The following STK3 variants were observed in gnomAD, a reference collection of about 807,000 sequenced individuals.
STK3 encodes the protein serine/threonine kinase 3, also known as serine/threonine-protein kinase 3.
In STK3, 41 loss-of-function variants were observed where a neutral mutation model predicts 58.0. The observed-to-expected ratio is 0.71, with a 90% confidence interval of 0.55 to 0.92. The LOEUF (loss-of-function observed/expected upper bound fraction) is 0.92, where lower values mean the gene tolerates loss of function less well. STK3 is among the 40% of genes least tolerant of loss of function. STK3 has a pLI of 0.00. For missense variants in STK3, 479 were observed against 602.7 expected (o/e 0.79, Z 2.15); for synonymous variants, 170 against 191.0 (o/e 0.89, Z 0.91).
chr8:98,423,774 C>G (rs539853727), intron 3 of STK3, among the ~76,000 whole-genome samples: 1 of 152,328 alleles, frequency 6.6e-6, no homozygotes, highest in East Asian at 1.9e-4. Flanking sequence ...AGCCCCCTCG[C>G]CTGTCAGGGG....
At chr8:98,764,149 T>G (rs1384076688) in intron 3 of STK3, among the ~76,000 whole-genome samples, 8 of 152,246 alleles carry the variant, frequency 5.3e-5, no homozygotes, top group Admixed American at 2.6e-4. Flanking sequence ...CAACAAATAT[T>G]TGAGAAGTAC....
At chr8:98,524,072 G>C (rs1480279624) in intron 10 of STK3, among the ~76,000 whole-genome samples, 1 of 152,090 alleles carries the variant, frequency 6.6e-6, no homozygotes, top group African/African-American at 2.4e-5. Context: ...TTTGCATGTG[G>C]ATATCCAGTT....
chr8:98,819,750 A>G (rs1428155143), intron 1 of STK3, among the ~76,000 whole-genome samples: 1 of 152,152 alleles, frequency 6.6e-6, no homozygotes, highest in Non-Finnish European at 1.5e-5. Context: ...CTCTCTATTT[A>G]GTCAATCTCT....
Position 98,428,708 on chromosome 8 carries a change from G to C in STK3, n.483+5419C>G. On this transcript the variant is annotated intron_variant and non_coding_transcript_variant, in intron 3 of 3. Coordinates refer to the STK3 transcript ENST00000517832. The surrounding 1 kb of genome is among the most constrained non-coding windows in gnomAD (Gnocchi z 6.7). Reference sequence around the variant, plus strand: ...TTGCCTGGTTCACATTTGAGCTGGTGGCCAGGTTTGCTGTGGCCCCTGACT... The same window carrying C: ...TTGCCTGGTTCACATTTGAGCTGGTCGCCAGGTTTGCTGTGGCCCCTGACT... 1 of 1,614,220 alleles carries C rather than the reference G, an allele frequency of 6.2e-7. No individual in the cohort carries two copies. The highest frequency in any genetic ancestry group is 8.5e-7 in the Non-Finnish European group (1 of 1,180,038).
intron 1 of STK3, among the ~76,000 whole-genome samples, chr8:98,914,219 G>A (rs1361936966): frequency 6.6e-6 from 1 of 151,992 alleles, no homozygotes; most frequent in Admixed American, 6.6e-5. Flanking sequence ...TGGGAGGTGA[G>A]GCAGGCAGAT....
intron 3 of STK3, among the ~76,000 whole-genome samples, chr8:98,869,057 A>AGGAG (rs1837258165): frequency 6.7e-6 from 1 of 150,026 alleles, no homozygotes; most frequent in Non-Finnish European, 1.5e-5. Context: ...GAAGGAAGGA[A>AGGAG]GGAAGGAAGG....
At chr8:98,653,423 C>T (rs918455093) in intron 6 of STK3, among the ~76,000 whole-genome samples, 5 of 152,030 alleles carry the variant, frequency 3.3e-5, no homozygotes, top group African/African-American at 1.2e-4. Context: ...ATTAAAAGAA[C>T]TAGAAAAGCA....
chr8:98,451,558 TCTGA>T (rs1819199288), downstream of STK3, among the ~76,000 whole-genome samples: 4 of 152,158 alleles, frequency 2.6e-5, no homozygotes, highest in South Asian at 4.1e-4. Flanking sequence ...TGGCAAAGAG[TCTGA>T]CTAATGATGT....
intron 1 of STK3, among the ~76,000 whole-genome samples, chr8:98,805,840 C>T (rs1833857051): frequency 6.6e-6 from 1 of 152,056 alleles, no homozygotes; most frequent in South Asian, 2.1e-4. Flanking sequence ...TGATCTTCCC[C>T]TTCTCTCTGC....
At chr8:98,738,820 G>C (rs1828882622) in intron 4 of STK3, among the ~76,000 whole-genome samples, 1 of 152,262 alleles carries the variant, frequency 6.6e-6, no homozygotes, top group Non-Finnish European at 1.5e-5. Context: ...AGGGGTTCAG[G>C]GAGTTCCCTT....
rs149263671 is a variant in STK3, at chr8:98,447,707, C to T, written n.186-10499G>A. 3.8e-3 allele frequency among the ~76,000 whole-genome samples: 553 copies of T among 145,894 alleles called. 27 individuals are homozygous for T. In the East Asian group the frequency reaches 0.085, roughly 22 times the overall value. On this transcript the variant is annotated intron_variant and non_coding_transcript_variant, in intron 1 of 3. Coordinates refer to the STK3 transcript ENST00000517832. ...TATATTGCAATACTATATATAGTAT[C>T]TATATATTGCAATACATTATGTTGC...
intron 3 of STK3, among the ~76,000 whole-genome samples, chr8:98,840,713 T>C (rs1353665217): frequency 6.6e-6 from 1 of 150,782 alleles, no homozygotes; most frequent in Non-Finnish European, 1.5e-5. Flanking sequence ...TTGCCGAATA[T>C]CAAATTATCC....
intron 8 of STK3, among the ~76,000 whole-genome samples, chr8:98,568,074 T>C (rs1162320242): frequency 4.0e-5 from 6 of 150,252 alleles, no homozygotes; most frequent in Admixed American, 1.3e-4. Context: ...GATAGATAGA[T>C]AGATAGATAG....
At chr8:98,768,697 G>A (rs981425109) in intron 2 of STK3, among the ~76,000 whole-genome samples, 7 of 152,202 alleles carry the variant, frequency 4.6e-5, no homozygotes, top group East Asian at 3.8e-4. Flanking sequence ...TCAGCACTAC[G>A]AAAGAGAAGC....
chr8:98,919,777 A>T (rs1839485306), intron 1 of STK3, among the ~76,000 whole-genome samples: 1 of 151,976 alleles, frequency 6.6e-6, no homozygotes, highest in Admixed American at 6.5e-5. Flanking sequence ...AGAATTTTCC[A>T]TGATAAAAAA....
chr8:98,412,385 C>T (rs1818067174), intron 3 of STK3, among the ~76,000 whole-genome samples: 1 of 152,206 alleles, frequency 6.6e-6, no homozygotes, highest in Admixed American at 6.5e-5. Context: ...ACCCCTGAAA[C>T]CTTCAAATGG....
intron 10 of STK3, among the ~76,000 whole-genome samples, chr8:98,505,445 C>G (rs1225221243): frequency 6.6e-6 from 1 of 152,178 alleles, no homozygotes; most frequent in Non-Finnish European, 1.5e-5. Flanking sequence ...TGGTGAGGAG[C>G]TGCCATCCTT....
intron 1 of STK3, among the ~76,000 whole-genome samples, chr8:98,442,477 G>T (rs1381274644): frequency 1.3e-5 from 2 of 152,234 alleles, no homozygotes; most frequent in Admixed American, 1.3e-4. Flanking sequence ...AACCACCAAG[G>T]TGCGTTATTT....
chr8:98,804,336 T>C (rs1404012127), intron 1 of STK3, among the ~76,000 whole-genome samples: 2 of 152,176 alleles, frequency 1.3e-5, no homozygotes, highest in Non-Finnish European at 2.9e-5. Context: ...CCTATAACAA[T>C]CTTTTTGGTA....
Sources: gnomAD v4.1 joint callset for allele counts (sites outside exome capture counted in the v4.1 genomes callset) on GRCh38, gnomAD v4.1.1 for gene constraint, Gnocchi (gnomAD v3.1) non-coding constraint, MANE v1.5 for transcripts, NCBI Gene and HGNC (gene_info 2026-07-23, HGNC 2026-07-21) for gene names.